OSBPL11: variants seen among roughly 807,000 people sequenced by gnomAD.
OSBPL11 encodes the protein oxysterol-binding protein-related protein 11.
OSBPL11 carries 33 observed loss-of-function variants against 84.4 expected under a neutral mutation model. The ratio of observed to expected loss-of-function variants is 0.39; its 90% CI spans 0.30 to 0.52. OSBPL11 has a LOEUF of 0.52. Among genes scored for constraint, OSBPL11 ranks in the 20% least tolerant of loss-of-function variants. The probability of loss-of-function intolerance (pLI) is 0.72; values close to 1 mark genes in which losing one functional copy is unlikely to be tolerated. For synonymous variants in OSBPL11, 276 were observed against 310.2 expected (o/e 0.89, Z 1.16); for missense variants, 736 against 901.1 (o/e 0.82, Z 2.35).
At chr3:125,580,336 G>A (rs928852267) in intron 2 of OSBPL11, among the ~76,000 whole-genome samples, 4 of 151,970 alleles carry the variant, frequency 2.6e-5, no homozygotes, top group Non-Finnish European at 4.4e-5. Context: ...CCAACATGGT[G>A]AAACCCCATC....
intron 4 of OSBPL11, among the ~76,000 whole-genome samples, chr3:125,577,056 C>T (rs139311344): frequency 1.3e-5 from 2 of 152,164 alleles, no homozygotes; most frequent in Non-Finnish European, 2.9e-5. Flanking sequence ...TGCCAAGTAT[C>T]CTTTGATACA....
chr3:125,559,673 C>A (rs1216912961), intron 8 of OSBPL11, among the ~76,000 whole-genome samples: 3 of 152,106 alleles, frequency 2.0e-5, no homozygotes, highest in African/African-American at 7.2e-5. Flanking sequence ...GTTGGCCAGG[C>A]TGGTCTTGAA....
intron 10 of OSBPL11, among the ~76,000 whole-genome samples, chr3:125,542,491 A>G (rs1342553560): frequency 6.7e-6 from 1 of 149,114 alleles, no homozygotes; most frequent in Non-Finnish European, 1.5e-5. Context: ...ATGTGCCACC[A>G]TGTCCTGCTA....
intron 10 of OSBPL11, among the ~76,000 whole-genome samples, chr3:125,539,782 C>G (rs552908450): frequency 5.9e-4 from 90 of 152,192 alleles, no homozygotes; most frequent in African/African-American, 2.0e-3. Flanking sequence ...TTTATGTTCA[C>G]TCTAGGACAC....
rs1935677520 is a variant in OSBPL11, at chr3:125,538,586, C to T, written c.1889G>A (p.Arg630Lys). The change falls in exon 11 of 13, where the codon AGA (arginine) becomes AAA (lysine). Residue 630 changes from arginine (R) to lysine (K), a missense_variant. Physicochemically the swap from Arg to Lys is conservative, Grantham distance 26 (BLOSUM62 2). Transcript: ENST00000296220. Reference protein sequence around the residue: ...KHNITNTVVCRVQGEWNSVLE... With the variant: ...KHNITNTVVCKVQGEWNSVLE... ...AACACTATTCCATTCCCCTTGCACT[C>T]TGCATACCACAGTGTTGGTGATGTT... 1 of 1,613,428 alleles carries T rather than the reference C, an allele frequency of 6.2e-7. No homozygotes were observed.
At chr3:125,574,666 C>G (rs752942904) in intron 5 of OSBPL11, among the ~76,000 whole-genome samples, 10 of 152,062 alleles carry the variant, frequency 6.6e-5, no homozygotes, top group Non-Finnish European at 8.8e-5. Flanking sequence ...AAATGAAAAT[C>G]AGAATTTTGG....
chr3:125,581,695 CAAAAAAAA>C (rs1189619626), intron 2 of OSBPL11, among the ~76,000 whole-genome samples: 2 of 63,810 alleles, frequency 3.1e-5, no homozygotes, highest in African/African-American at 1.1e-4. Context: ...GACTCCATCT[CAAAAAAAA>C]AAAAAAAAAA....
rs546945825 is a variant in OSBPL11 at position 125,572,397 on chromosome 3, A to G, written c.666+3792T>C. The stretch of plus-strand genomic sequence containing the variant: ...TTTGGGGGACTGTTGGGAAGGCATG[A>G]TTAGTTTTGAAATGTGAGGAGATGA... On this transcript the variant is annotated intron_variant, in intron 5 of 12. Transcript: ENST00000296220. Among the ~76,000 whole-genome samples the G allele has an allele frequency of 2.0e-5, 3 of 152,208 alleles. 1 individual carries two copies. The South Asian group carries it at 6.2e-4, about 32-fold the overall frequency.
chr3:125,551,088 G>A (rs960220977), intron 9 of OSBPL11, among the ~76,000 whole-genome samples: 8 of 149,564 alleles, frequency 5.3e-5, no homozygotes, highest in African/African-American at 1.5e-4. Flanking sequence ...GGCTTGAGCC[G>A]AGTAGGTCAA....
chr3:125,561,239 C>T (rs1936073381), intron 7 of OSBPL11, among the ~76,000 whole-genome samples: 1 of 152,214 alleles, frequency 6.6e-6, no homozygotes, highest in Non-Finnish European at 1.5e-5. Flanking sequence ...CTCAAGTGAT[C>T]CACTTGCCTT....
rs1188103275 is a variant in OSBPL11, at chr3:125,529,475, T to C, written c.*1040A>G. The stretch of plus-strand genomic sequence containing the variant: ...AAAAAAAAAAAAATAAATAAAACCA[T>C]ACCTTACATGCGCGTTCAGTTACAC... On this transcript the variant is annotated 3_prime_UTR_variant, in exon 13 of 13. Coordinates refer to ENST00000296220, the MANE Select transcript of OSBPL11 (RefSeq NM_022776.5). 6.6e-6 allele frequency: 1 copy of C among 151,588 alleles called. No homozygotes were observed. Among genetic ancestry groups the C allele is most frequent in the Non-Finnish European group, 1.5e-5 (1 of 67,872 alleles). 9.4% of individuals were successfully genotyped at this position (151,588 alleles called of 1,614,324 possible). A position where few individuals can be genotyped will look rare whatever the true frequency, so the allele number is the denominator to read the frequency against.
chr3:125,560,925 C>T (rs764087579), intron 7 of OSBPL11, among the ~76,000 whole-genome samples: 55 of 152,100 alleles, frequency 3.6e-4, no homozygotes, highest in Non-Finnish European at 7.4e-4. Context: ...TCTCAAGCTC[C>T]TGACCTCGAG....
At chr3:125,548,061 T>C (rs1367433857) in intron 9 of OSBPL11, among the ~76,000 whole-genome samples, 2 of 152,052 alleles carry the variant, frequency 1.3e-5, no homozygotes, top group East Asian at 3.9e-4. Flanking sequence ...GTATTTTTAG[T>C]GGAGACGGGG....
At chr3:125,583,015 T>C in intron 1 of OSBPL11, 37 bp from the exon 2 acceptor site, 1 of 1,455,144 alleles carries the variant, frequency 6.9e-7, no homozygotes. Flanking sequence ...TAGTAAAAAT[T>C]AGAAGAAATC....
At chr3:125,559,491 C>T (rs925645102) in intron 8 of OSBPL11, among the ~76,000 whole-genome samples, 1 of 152,134 alleles carries the variant, frequency 6.6e-6, no homozygotes, top group African/African-American at 2.4e-5. Flanking sequence ...CAGGATCAAG[C>T]GATCCTCCCA....
At chr3:125,544,444 A>G (rs1935781210) in intron 10 of OSBPL11, among the ~76,000 whole-genome samples, 1 of 152,218 alleles carries the variant, frequency 6.6e-6, no homozygotes, top group Non-Finnish European at 1.5e-5. Flanking sequence ...CCAAAGTTAA[A>G]TATTCAAAAA....
intron 5 of OSBPL11, among the ~76,000 whole-genome samples, chr3:125,575,221 C>A (rs1442275130): frequency 6.6e-6 from 1 of 151,982 alleles, no homozygotes; most frequent in African/African-American, 2.4e-5. Context: ...ATATTTAGAA[C>A]TTAACAAACT....
In OSBPL11 at chr3:125,529,806, T is replaced by A. The variant is rs1246549260; in HGVS notation, c.*709A>T. 1 of 152,654 alleles carries A rather than the reference T, an allele frequency of 6.6e-6. No homozygotes were observed. Among genetic ancestry groups the A allele is most frequent in the East Asian group, 1.9e-4 (1 of 5,204 alleles). The allele number at this position is 152,654 out of a possible 1,614,324, so 9.5% of individuals were successfully genotyped here. A position where few individuals can be genotyped will look rare whatever the true frequency, so the allele number is the denominator to read the frequency against. On this transcript the variant is annotated 3_prime_UTR_variant, in exon 13 of 13. Transcript: ENST00000296220. The stretch of plus-strand genomic sequence containing the variant: ...GAAAAATGTTCTGAAATTTTTCAAG[T>A]CAATGTTGTTTTCAAGTATATTAAA...
chr3:125,593,799 A>G (rs1421993253), intron 1 of OSBPL11, among the ~76,000 whole-genome samples: 1 of 152,168 alleles, frequency 6.6e-6, no homozygotes, highest in Admixed American at 6.6e-5. Context: ...AAAGGCTAAA[A>G]AGGACTACAG....
Sources: allele counts gnomAD v4.1 joint callset (sites outside exome capture counted in the v4.1 genomes callset), GRCh38; gene constraint gnomAD v4.1.1; transcripts MANE v1.5; gene names NCBI Gene and HGNC (gene_info 2026-07-23, HGNC 2026-07-21).